The following SLC9A9 variants were observed in gnomAD, a reference collection of about 807,000 sequenced individuals.
The protein encoded by SLC9A9 is sodium/hydrogen exchanger 9.
A neutral mutation model predicts 77.8 loss-of-function variants in SLC9A9; 62 were observed. That is an observed-to-expected ratio of 0.80 (90% confidence interval 0.65 to 0.98). The LOEUF (loss-of-function observed/expected upper bound fraction) is 0.98. Among genes scored for constraint, SLC9A9 ranks in the 50% least tolerant of loss-of-function variants. The pLI is 0.00. For missense variants in SLC9A9, 775 were observed against 774.9 expected (o/e 1.00, Z 0.00); for synonymous variants, 320 against 283.5 (o/e 1.13, Z -1.29).
chr3:143,625,728 C>G (rs1296289770), intron 6 of SLC9A9, among the ~76,000 whole-genome samples: 1 of 152,198 alleles, frequency 6.6e-6, no homozygotes, highest in Non-Finnish European at 1.5e-5. Context: ...GTCTAAAACA[C>G]TAAAAGCAAT....
At chr3:143,529,655 T>C (rs1251511407) in intron 9 of SLC9A9, among the ~76,000 whole-genome samples, 1 of 152,300 alleles carries the variant, frequency 6.6e-6, no homozygotes, top group East Asian at 1.9e-4. Context: ...CAGTAACCCA[T>C]CAATGATTAC....
chr3:143,456,353 A>AGTTTTACTTTATTGTGATGAT, intron 12 of SLC9A9, among the ~76,000 whole-genome samples: 1 of 152,138 alleles, frequency 6.6e-6, no homozygotes, highest in South Asian at 2.1e-4. Flanking sequence ...ATTGGACTAT[A>AGTTTTACTTTATTGTGATGAT]GTTTTACTTT....
intron 12 of SLC9A9, among the ~76,000 whole-genome samples, chr3:143,387,933 G>A (rs2108502611): frequency 6.6e-6 from 1 of 152,264 alleles, no homozygotes; most frequent in Admixed American, 6.5e-5. Flanking sequence ...TACTACTAGG[G>A]CTTAGTTTCA....
In SLC9A9 at chr3:143,715,808, C is replaced by T. The variant is rs145390994; in HGVS notation, c.534-22501G>A. Among the ~76,000 whole-genome samples the T allele has an allele frequency of 1.9e-3, 286 of 152,264 alleles. 1 individual carries two copies. Among genetic ancestry groups the T allele is most frequent in the African/African-American group, 6.6e-3 (273 of 41,546 alleles). ...AAGGTCAAGTGAGGGCAGCATCGAG[C>T]GTCCTCTCACTGTCATAGAAAACCT... On this transcript the variant is annotated intron_variant, in intron 4 of 15. Transcript: ENST00000316549.
chr3:143,407,955 G>A (rs1311468835), intron 12 of SLC9A9, among the ~76,000 whole-genome samples: 1 of 152,176 alleles, frequency 6.6e-6, no homozygotes, highest in Non-Finnish European at 1.5e-5. Flanking sequence ...TGAGGATTGG[G>A]AAGCCCAGGA....
intron 5 of SLC9A9, among the ~76,000 whole-genome samples, chr3:143,680,023 T>C (rs1275570903): frequency 2.0e-5 from 3 of 151,852 alleles, no homozygotes; most frequent in African/African-American, 7.3e-5. Context: ...GCAAGACAGA[T>C]TGAAGAGATA....
At chr3:143,736,215 C>T (rs977849545) in intron 4 of SLC9A9, among the ~76,000 whole-genome samples, 5 of 152,078 alleles carry the variant, frequency 3.3e-5, no homozygotes, top group Admixed American at 3.3e-4. Context: ...ATTTAGTCTC[C>T]CCTTGTCCCA....
intron 14 of SLC9A9, among the ~76,000 whole-genome samples, chr3:143,307,945 C>T (rs758254456): frequency 1.1e-4 from 17 of 152,346 alleles, no homozygotes; most frequent in African/African-American, 4.1e-4. Flanking sequence ...GGATTCTCTA[C>T]AATCCTGGAA....
chr3:143,467,276 C>T lies in SLC9A9; in HGVS notation c.1316-86G>A. Reference sequence around the variant, plus strand: ...GATTCATCTTTACAATTTGCTGACACAATTTTTTTAAATTAATCTTTTTAT... The same window carrying T: ...GATTCATCTTTACAATTTGCTGACATAATTTTTTTAAATTAATCTTTTTAT... On this transcript the variant is annotated intron_variant, in intron 11 of 15. Transcript: ENST00000316549. The T allele has an allele frequency of 2.0e-6, 3 of 1,481,504 alleles. No homozygotes were observed. In the East Asian group the frequency reaches 7.2e-5, roughly 35 times the overall value. The allele number at this position is 1,481,504 out of a possible 1,614,324, so 91.8% of individuals were successfully genotyped here.
intron 14 of SLC9A9, among the ~76,000 whole-genome samples, chr3:143,270,914 G>A (rs1937878087): frequency 6.6e-6 from 1 of 152,210 alleles, no homozygotes; most frequent in South Asian, 2.1e-4. Flanking sequence ...GTTACCCATG[G>A]TCAACCACAG....
At chr3:143,360,087 AGTTT>A (rs2032702646) in intron 14 of SLC9A9, among the ~76,000 whole-genome samples, 1 of 152,176 alleles carries the variant, frequency 6.6e-6, no homozygotes, top group South Asian at 2.1e-4. Context: ...TTAATAATCA[AGTTT>A]GTTTAGGTAT....
chr3:143,301,242 G>T lies in SLC9A9; in HGVS notation c.1605-32262C>A, dbSNP rs193160891. ...TTGCTTACTAAATTTTGACATTTGC[G>T]CAAAATGCATACTTTGTAAGTCTTG... On this transcript the variant is annotated intron_variant, in intron 14 of 15. Transcript: ENST00000316549. Among the ~76,000 whole-genome samples, 5 of 152,266 alleles carry T rather than the reference G, an allele frequency of 3.3e-5. No homozygotes were observed. The South Asian group carries it at 1.0e-3, about 32-fold the overall frequency.
At chr3:143,708,448 G>C (rs778700363) in intron 4 of SLC9A9, among the ~76,000 whole-genome samples, 2 of 152,144 alleles carry the variant, frequency 1.3e-5, no homozygotes, top group African/African-American at 4.8e-5. Flanking sequence ...GTGAACACTG[G>C]AATGCTATGA....
chr3:143,353,383 G>A (rs1200004643), intron 14 of SLC9A9, among the ~76,000 whole-genome samples: 3 of 152,170 alleles, frequency 2.0e-5, no homozygotes, highest in Non-Finnish European at 4.4e-5. Context: ...CCTCATGAAT[G>A]GGATTAGTGC....
intron 13 of SLC9A9, among the ~76,000 whole-genome samples, chr3:143,373,982 T>C (rs1226179137): frequency 6.6e-6 from 1 of 152,076 alleles, no homozygotes; most frequent in Non-Finnish European, 1.5e-5. Context: ...GAACCCAAAT[T>C]AGGATAAATT....
At chr3:143,706,909 A>C (rs1933996924) in intron 4 of SLC9A9, among the ~76,000 whole-genome samples, 1 of 152,116 alleles carries the variant, frequency 6.6e-6, no homozygotes, top group Non-Finnish European at 1.5e-5. Flanking sequence ...GGGAAGCCAA[A>C]AGATTGGATA....
intron 2 of SLC9A9, among the ~76,000 whole-genome samples, chr3:143,805,208 A>T (rs2008678069): frequency 6.6e-6 from 1 of 151,906 alleles, no homozygotes; most frequent in African/African-American, 2.4e-5. Flanking sequence ...TTCTCAATTC[A>T]TCCAAAACCG....
At chr3:143,493,055 G>A (rs2035776270) in intron 11 of SLC9A9, among the ~76,000 whole-genome samples, 1 of 152,184 alleles carries the variant, frequency 6.6e-6, no homozygotes, top group South Asian at 2.1e-4. Flanking sequence ...TAAGCAATTA[G>A]AACACAAATG....
chr3:143,800,286 C>T (rs966777599), intron 2 of SLC9A9, among the ~76,000 whole-genome samples: 1 of 152,160 alleles, frequency 6.6e-6, no homozygotes, highest in Admixed American at 6.5e-5. Context: ...TCCCATCCTA[C>T]AGCACGCTTT....
Sources: allele counts gnomAD v4.1 joint callset (sites outside exome capture counted in the v4.1 genomes callset), GRCh38; gene constraint gnomAD v4.1.1; transcripts MANE v1.5; gene names NCBI Gene and HGNC (gene_info 2026-07-23, HGNC 2026-07-21).